The following ATRX variants were observed in gnomAD, a reference collection of about 807,000 sequenced individuals.
ATRX encodes chromatin remodeler ATRX.
In ATRX, 12 loss-of-function variants were observed where a neutral mutation model predicts 172.6. That is an observed-to-expected ratio of 0.07 (90% CI 0.04 to 0.11). The LOEUF is 0.11. Ranked by LOEUF, ATRX falls within the 10% of genes least tolerant of loss-of-function variation. The pLI, the probability that ATRX is intolerant of heterozygous loss-of-function variation, is 1.00. For missense variants in ATRX, 1,368 were observed against 1,767.4 expected (o/e 0.77, Z 4.05); for synonymous variants, 674 against 594.7 (o/e 1.13, Z -1.94).
intron 1 of ATRX, among the ~76,000 whole-genome samples, chrX:77,752,779 G>A (rs2075348756): frequency 8.9e-6 from 1 of 111,855 alleles, no homozygotes; most frequent in African/African-American, 3.3e-5. Flanking sequence ...TTATTGATTT[G>A]CGTATGTTGA....
chrX:77,631,821 C>T (rs2068119053), intron 19 of ATRX, among the ~76,000 whole-genome samples: 1 of 111,295 alleles, frequency 9.0e-6, no homozygotes, highest in Non-Finnish European at 1.9e-5. Context: ...AATACAAATG[C>T]AGTTTGAAGT....
chrX:77,756,513 G>A (rs782146616), intron 1 of ATRX, among the ~76,000 whole-genome samples: 17 of 110,831 alleles, frequency 1.5e-4, no homozygotes, highest in African/African-American at 4.3e-4. Flanking sequence ...CCGGGTCTGC[G>A]GACTGCAAAA....
chrX:77,623,299 A>G, intron 19 of ATRX, among the ~76,000 whole-genome samples: 1 of 111,656 alleles, frequency 9.0e-6, no homozygotes, highest in Non-Finnish European at 1.9e-5. Flanking sequence ...CACATAAACT[A>G]GAAAACCTAC....
intron 1 of ATRX, among the ~76,000 whole-genome samples, chrX:77,784,721 G>A (rs192552666): frequency 5.4e-5 from 6 of 112,063 alleles, no homozygotes; most frequent in Non-Finnish European, 1.1e-4. Context: ...TTTCCCCAAG[G>A]TAAAGAAAAT....
In ATRX at chrX:77,682,153, T is replaced by C. The variant is rs781916347; in HGVS notation, c.3103A>G (p.Ile1035Val). 11 of 1,209,681 alleles carry C rather than the reference T, an allele frequency of 9.1e-6. No individual in the cohort carries two copies. Among genetic ancestry groups the C allele is most frequent in the Non-Finnish European group, 1.2e-5 (11 of 894,966 alleles). The stretch of plus-strand genomic sequence containing the variant: ...TCTCCATCAGTTGTTCCATTCTTAA[T>C]TTGTTTTATGCCCTTAGGAAAATGA... ...ICHFPKGIKQ[I>V]KNGTTDGEKK... Residue 1035 changes from isoleucine to valine, a missense_variant, in exon 9 of 35, where the codon ATT (isoleucine) becomes GTT (valine). Coordinates refer to ENST00000373344, the MANE Select transcript of ATRX (RefSeq NM_000489.6).
chrX:77,655,123 A>G lies in ATRX; in HGVS notation c.4215-923T>C, dbSNP rs45513296. On this transcript the variant is annotated intron_variant, in intron 13 of 34. Transcript: ENST00000373344. ...GACAGAAAATAGAATGGTGGTTGCC[A>G]GGGGCTTCAGGGAAGAGGAAAAAGA... 3.5e-3 allele frequency among the ~76,000 whole-genome samples: 388 copies of G among 111,155 alleles called. 8 individuals carry two copies. Among genetic ancestry groups the G allele is most frequent in the Admixed American group, 0.032 (338 of 10,427 alleles).
chrX:77,706,272 C>T (rs1188136909), intron 2 of ATRX, among the ~76,000 whole-genome samples: 2 of 109,889 alleles, frequency 1.8e-5, no homozygotes, highest in Non-Finnish European at 3.8e-5. Context: ...ACATGAGCCA[C>T]CATGCCCAAC....
rs782774889 is a variant in ATRX, at chrX:77,683,475, G to C, written c.1781C>G (p.Ser594Cys). 8.3e-7 allele frequency: 1 copy of C among 1,210,058 alleles called. No homozygotes were observed. ...ACCTTTAATTGGGGAATTAGAAAGG[G>C]AAACAGGAGTGAGTTTAACATATAA... ...KELYVKLTPV[S>C]LSNSPIKGAD... Residue 594 changes from serine to cysteine, a missense_variant, in exon 9 of 35, where the codon TCC becomes TGC. This residue lies in a region of ATRX where 843 missense variants were observed against 643.1 expected (regional missense o/e 1.31). Coordinates refer to ENST00000373344, the MANE Select transcript of ATRX (RefSeq NM_000489.6).
chrX:77,732,269 A>C (rs1434642495), intron 1 of ATRX, among the ~76,000 whole-genome samples: 1 of 111,266 alleles, frequency 9.0e-6, no homozygotes, highest in Non-Finnish European at 1.9e-5. Flanking sequence ...TCCCGCACTC[A>C]CTCACTCACA....
intron 15 of ATRX, among the ~76,000 whole-genome samples, chrX:77,650,534 C>G (rs1388019090): frequency 9.0e-6 from 1 of 111,190 alleles, no homozygotes; most frequent in Non-Finnish European, 1.9e-5. Flanking sequence ...ATGTAACATC[C>G]AAATACAACA....
chrX:77,602,597 C>T (rs1557087811), intron 22 of ATRX, among the ~76,000 whole-genome samples: 2 of 109,891 alleles, frequency 1.8e-5, no homozygotes, highest in South Asian at 7.7e-4. Flanking sequence ...TATTCTAGTA[C>T]CCTGTGTTTT....
intron 2 of ATRX, among the ~76,000 whole-genome samples, chrX:77,713,188 T>G (rs781804408): frequency 9.0e-6 from 1 of 111,332 alleles, no homozygotes; most frequent in East Asian, 2.8e-4. Context: ...TTGGGGATAA[T>G]AGGAACCAGG....
At chrX:77,702,925 CTA>C (rs2072611393) in intron 2 of ATRX, among the ~76,000 whole-genome samples, 1 of 111,686 alleles carries the variant, frequency 9.0e-6, no homozygotes, top group Admixed American at 9.5e-5. Flanking sequence ...TGGGTTCTGG[CTA>C]TGTTTCCCAG....
rs1434949379 is a variant in ATRX at position 77,505,365 on chromosome X, G to A, written c.*2986C>T. ...CCAGGTAATAAGGAAGCTTCTGAAT[G>A]GTAAGCAGCTTTTCTATCAAGTGTG... On this transcript the variant is annotated 3_prime_UTR_variant, in exon 35 of 35. Coordinates refer to ENST00000373344, the MANE Select transcript of ATRX (RefSeq NM_000489.6). The A allele has an allele frequency of 5.8e-5, 10 of 172,634 alleles. 1 individual carries two copies. Among genetic ancestry groups the A allele is most frequent in the African/African-American group, 2.7e-4 (9 of 33,755 alleles). 14.2% of individuals were successfully genotyped at this position (172,634 alleles called of 1,213,427 possible). A position where few individuals can be genotyped will look rare whatever the true frequency, so the allele number is the denominator to read the frequency against.
At chrX:77,732,078 C>G (rs1472893830) in intron 1 of ATRX, among the ~76,000 whole-genome samples, 1 of 111,939 alleles carries the variant, frequency 8.9e-6, no homozygotes, top group African/African-American at 3.3e-5. Context: ...TTAACACCCC[C>G]TCAGGGGCCT....
intron 27 of ATRX, among the ~76,000 whole-genome samples, chrX:77,578,191 C>T (rs1178899932): frequency 9.0e-6 from 1 of 111,566 alleles, no homozygotes; most frequent in Non-Finnish European, 1.9e-5. Flanking sequence ...GGCTAAAGTG[C>T]ACTGGGGCCC....
chrX:77,745,701 C>T (rs985610233), intron 1 of ATRX, among the ~76,000 whole-genome samples: 1 of 110,872 alleles, frequency 9.0e-6, no homozygotes, highest in Admixed American at 9.7e-5. Flanking sequence ...TTTGATAGCA[C>T]AATGGGGTGA....
intron 30 of ATRX, among the ~76,000 whole-genome samples, chrX:77,555,808 C>T (rs1298986192): frequency 9.1e-6 from 1 of 109,987 alleles, no homozygotes; most frequent in Non-Finnish European, 1.9e-5. Flanking sequence ...ACCACCATGG[C>T]ACATGTATAC....
chrX:77,756,601 C>T (rs181850488), intron 1 of ATRX, among the ~76,000 whole-genome samples: 48 of 110,034 alleles, frequency 4.4e-4, no homozygotes, highest in Non-Finnish European at 7.6e-4. Flanking sequence ...GGAGATCTCT[C>T]GCTCCTTGCA....
Sources: gnomAD v4.1 joint callset for allele counts (sites outside exome capture counted in the v4.1 genomes callset) on GRCh38, gnomAD v4.1.1 for gene constraint, gnomAD v4.1.1 regional missense constraint, MANE v1.5 for transcripts, NCBI Gene and HGNC (gene_info 2026-07-23, HGNC 2026-07-21) for gene names.